MKRN3: variants seen among roughly 807,000 people sequenced by gnomAD.
The protein encoded by MKRN3 is makorin ring finger protein 3, also known as E3 ubiquitin-protein ligase makorin-3.
For synonymous variants in MKRN3, 301 were observed against 250.2 expected (o/e 1.20, Z -1.91); for missense variants, 749 against 667.0 (o/e 1.12, Z -1.35).
chr15:23,565,906 G>A lies in MKRN3; in HGVS notation c.124G>A (p.Ala42Thr). Residue 42 changes from alanine to threonine, a missense_variant, in exon 1 of 1, where the codon GCT becomes ACT. Coordinates refer to ENST00000314520, the MANE Select transcript of MKRN3 (RefSeq NM_005664.4). ...CGTCTGTGAGCCCTCCGGGGAATCT[G>A]CTGCTCCAGATTCAGCCCTGCCACA... is the stretch of plus-strand genomic sequence containing the variant. ...LPVCEPSGES[A>T]APDSALPHAA... 6.2e-7 allele frequency: 1 copy of A among 1,613,854 alleles called. No homozygotes were observed. Among genetic ancestry groups the A allele is most frequent in the South Asian group, 1.1e-5 (1 of 91,076 alleles).
chr15:23,566,545 G>A lies in MKRN3; in HGVS notation c.763G>A (p.Gly255Arg). 1 of 1,614,188 alleles carries A rather than the reference G, an allele frequency of 6.2e-7. No individual in the cohort carries two copies. The highest frequency in any genetic ancestry group is 1.6e-4 in the Middle Eastern group (1 of 6,062). The change falls in exon 1 of 1, where the codon GGG (glycine) becomes AGG (arginine). Residue 255 changes from glycine (G) to arginine (R), a missense_variant. Coordinates refer to ENST00000314520, the MANE Select transcript of MKRN3 (RefSeq NM_005664.4). ...TGCTTCCAGGGGAGTTTGCTTTCGT[G>A]GGGAGAGCTGTATGTACCTCCATGG... ...YYASRGVCFR[G>R]ESCMYLHGDI...
rs1566764428 is a variant in MKRN3 at position 23,565,952 on chromosome 15, C to T, written c.170C>T (p.Pro57Leu). ...ALPHAARGWA[P>L]FPVAPVPAHL... The stretch of plus-strand genomic sequence containing the variant: ...CCACATGCGGCAAGGGGCTGGGCCC[C>T]CTTCCCTGTAGCTCCAGTCCCTGCC... Residue 57 changes from proline to leucine, a missense_variant, in exon 1 of 1, where the codon CCC (proline) becomes CTC (leucine). Physicochemically the swap from Pro to Leu is moderately conservative, Grantham distance 98. Transcript: ENST00000314520. 7.4e-6 allele frequency: 12 copies of T among 1,613,826 alleles called. No individual in the cohort carries two copies. The highest frequency in any genetic ancestry group is 1.3e-5 in the African/African-American group (1 of 74,948).
Position 23,566,262 on chromosome 15 carries a change from C to G in MKRN3, c.480C>G (p.Pro160=), listed in dbSNP as rs372340447. 7.4e-6 allele frequency: 12 copies of G among 1,613,844 alleles called. No individual in the cohort carries two copies. The highest frequency in any genetic ancestry group is 4.5e-5 in the East Asian group (2 of 44,888). The change falls in exon 1 of 1, where the codon CCC becomes CCG. Residue 160 remains proline, a synonymous_variant. Coordinates refer to ENST00000314520, the MANE Select transcript of MKRN3 (RefSeq NM_005664.4). ...EPPTQEVAEA[P]PAASSLSLPV... ...CGACTCAGGAAGTGGCGGAAGCCCC[C>G]CCGGCTGCATCCTCCCTTTCCTTGC...
Position 23,567,534 on chromosome 15 carries a change from G to T in MKRN3, c.*228G>T. 1 of 1,374,684 alleles carries T rather than the reference G, an allele frequency of 7.3e-7. No individual in the cohort carries two copies. Among genetic ancestry groups the T allele is most frequent in the Non-Finnish European group, 9.4e-7 (1 of 1,060,420 alleles). 85.2% of individuals were successfully genotyped at this position (1,374,684 alleles called of 1,614,324 possible). A position where few individuals can be genotyped will look rare whatever the true frequency, so the allele number is the denominator to read the frequency against. On this transcript the variant is annotated 3_prime_UTR_variant, in exon 1 of 1. Transcript: ENST00000314520. ...AAATTAATATTAATGTCAGCTTATG[G>T]CTTTTTTTTGTCATCTCTGTTGTCA...
Position 23,566,420 on chromosome 15 carries a change from G to A in MKRN3, c.638G>A (p.Arg213Gln), listed in dbSNP as rs373112379. 250 of 1,614,016 alleles carry A rather than the reference G, an allele frequency of 1.5e-4. No individual in the cohort carries two copies. Among genetic ancestry groups the A allele is most frequent in the Non-Finnish European group, 1.9e-4 (226 of 1,180,028 alleles). The change falls in exon 1 of 1, where the codon CGG becomes CAG. Residue 213 changes from arginine to glutamine, a missense_variant. Coordinates refer to ENST00000314520, the MANE Select transcript of MKRN3 (RefSeq NM_005664.4). ...AIEFVPGQPY[R>Q]GRWVASAPEA... The stretch of plus-strand genomic sequence containing the variant: ...GAGTTTGTTCCAGGGCAGCCCTACC[G>A]GGGCCGCTGGGTTGCATCTGCCCCC...
Position 23,567,921 on chromosome 15 carries a change from T to C in MKRN3, c.*615T>C, listed in dbSNP as rs181805099. The C allele has an allele frequency of 2.1e-3, 1,606 of 752,320 alleles. 1 individual carries two copies. Among genetic ancestry groups the C allele is most frequent in the Non-Finnish European group, 2.4e-3 (1,430 of 606,660 alleles). The allele number at this position is 752,320 out of a possible 1,614,324, so 46.6% of individuals were successfully genotyped here. A position where few individuals can be genotyped will look rare whatever the true frequency, so the allele number is the denominator to read the frequency against. On this transcript the variant is annotated 3_prime_UTR_variant, in exon 1 of 1. Transcript: ENST00000314520. ...TTTAAGAATTATATATATAAAAATATATATGTATAAGAGTTATGTATTTGA... is the reference window on the plus strand; with the variant it reads ...TTTAAGAATTATATATATAAAAATACATATGTATAAGAGTTATGTATTTGA...
rs371553625 is a variant in MKRN3, at chr15:23,567,243, C to T, written c.1461C>T (p.Phe487=). 1.0e-4 allele frequency: 165 copies of T among 1,614,090 alleles called. No homozygotes were observed. Among genetic ancestry groups the T allele is most frequent in the Non-Finnish European group, 1.3e-4 (158 of 1,180,036 alleles). ...TTTCACTGAGAGATGAGTTACCCTT[C>T]TCTGAGGACCAGTGGGACTTGCTTC... ...RFLSLRDELP[F]SEDQWDLLHY... Residue 487 remains phenylalanine (F), a synonymous_variant, in exon 1 of 1, where the codon TTC becomes TTT. Transcript: ENST00000314520.
At position 23,566,350 on chromosome 15, in the gene MKRN3, G is replaced by C. The variant is rs749797875; in HGVS notation, c.568G>C (p.Gly190Arg). 9 of 1,614,198 alleles carry C rather than the reference G, an allele frequency of 5.6e-6. No individual in the cohort carries two copies. Among genetic ancestry groups the C allele is most frequent in the African/African-American group, 1.3e-5 (1 of 75,064 alleles). The change falls in exon 1 of 1, where the codon GGA becomes CGA. Residue 190 changes from glycine to arginine, a missense_variant. Coordinates refer to ENST00000314520, the MANE Select transcript of MKRN3 (RefSeq NM_005664.4). ...AGCCGAGAGAGACAATGCAGACCGT[G>C]GAGCTGCTGGAGGAGCAGGTGTAGA... ...FEAERDNADR[G>R]AAGGAGVESW...
chr15:23,566,072 A>T lies in MKRN3; in HGVS notation c.290A>T (p.Lys97Met). Residue 97 changes from lysine to methionine, a missense_variant, in exon 1 of 1, where the codon AAG becomes ATG. Lys to Met is a moderately conservative substitution (Grantham distance 95, BLOSUM62 -1). Transcript: ENST00000314520. ...LPSRSSGIWT[K>M]QIICRYYIHG... ...AGCCGAAGCAGCGGCATTTGGACAA[A>T]GCAGATCATCTGCAGGTATTATATA... 6.2e-7 allele frequency: 1 copy of T among 1,614,194 alleles called. No homozygotes were observed. The highest frequency in any genetic ancestry group is 1.1e-5 in the South Asian group (1 of 91,092).
chr15:23,566,575 A>G lies in MKRN3; in HGVS notation c.793A>G (p.Ile265Val). 8 of 1,614,164 alleles carry G rather than the reference A, an allele frequency of 5.0e-6. No individual in the cohort carries two copies. Among genetic ancestry groups the G allele is most frequent in the Middle Eastern group, 1.7e-4 (1 of 6,060 alleles). ...GESCMYLHGDICDMCGLQTLH... is the reference protein window; with the variant it reads ...GESCMYLHGDVCDMCGLQTLH... The stretch of plus-strand genomic sequence containing the variant: ...GAGCTGTATGTACCTCCATGGAGAC[A>G]TATGCGACATGTGTGGGCTGCAGAC... Residue 265 changes from isoleucine to valine, a missense_variant, in exon 1 of 1, where the codon ATA becomes GTA. Coordinates refer to ENST00000314520, the MANE Select transcript of MKRN3 (RefSeq NM_005664.4).
Position 23,565,901 on chromosome 15 carries a change from A to C in MKRN3, c.119A>C (p.Glu40Ala). ...CTTCCCGTCTGTGAGCCCTCCGGGG[A>C]ATCTGCTGCTCCAGATTCAGCCCTG... is the stretch of plus-strand genomic sequence containing the variant. Reference protein sequence around the residue: ...PDLPVCEPSGESAAPDSALPH... With the variant: ...PDLPVCEPSGASAAPDSALPH... The change falls in exon 1 of 1, where the codon GAA (glutamate) becomes GCA (alanine). Residue 40 changes from glutamate (E) to alanine (A), a missense_variant. Transcript: ENST00000314520. The C allele has an allele frequency of 6.2e-7, 1 of 1,613,798 alleles. No individual in the cohort carries two copies. The highest frequency in any genetic ancestry group is 8.5e-7 in the Non-Finnish European group (1 of 1,179,924).
In MKRN3 at chr15:23,565,976, C is replaced by T. The variant is rs778871904; in HGVS notation, c.194C>T (p.Ala65Val). Residue 65 changes from alanine to valine, a missense_variant, in exon 1 of 1, where the codon GCC becomes GTC. Coordinates refer to ENST00000314520, the MANE Select transcript of MKRN3 (RefSeq NM_005664.4). Reference protein sequence around the residue: ...WAPFPVAPVPAHLRRGGLRPA... With the variant: ...WAPFPVAPVPVHLRRGGLRPA... ...CCCTTCCCTGTAGCTCCAGTCCCTG[C>T]CCACCTCCGCAGAGGAGGCCTGAGG... is the stretch of plus-strand genomic sequence containing the variant. The T allele has an allele frequency of 3.1e-6, 5 of 1,613,758 alleles. No homozygotes were observed. Among genetic ancestry groups the T allele is most frequent in the South Asian group, 1.1e-5 (1 of 91,080 alleles).
Position 23,567,769 on chromosome 15 carries a change from A to C in MKRN3, c.*463A>C. 1 of 1,004,034 alleles carries C rather than the reference A, an allele frequency of 1.0e-6. No individual in the cohort carries two copies. The highest frequency in any genetic ancestry group is 1.2e-6 in the Non-Finnish European group (1 of 832,504). The allele number at this position is 1,004,034 out of a possible 1,614,324, so 62.2% of individuals were successfully genotyped here. On this transcript the variant is annotated 3_prime_UTR_variant, in exon 1 of 1. Coordinates refer to ENST00000314520, the MANE Select transcript of MKRN3 (RefSeq NM_005664.4). ...TTGTTCTTTCCCTCCTTCCCCTTCA[A>C]GTGCACTTGTTAAACTGTGATGAAC... is the stretch of plus-strand genomic sequence containing the variant.
rs1293951635 is a variant in MKRN3, at chr15:23,566,121, G to A, written c.339G>A (p.Glu113=). ...TACATGGGCAGTGCAAGGAGGGGGA[G>A]AACTGTCGCTATTCGCACGACCTTT... is the stretch of plus-strand genomic sequence containing the variant. The part of the protein sequence containing the change: ...YYIHGQCKEG[E]NCRYSHDLSG... Residue 113 remains glutamate (E), a synonymous_variant, in exon 1 of 1, where the codon GAG becomes GAA. Transcript: ENST00000314520. 2 of 1,614,190 alleles carry A rather than the reference G, an allele frequency of 1.2e-6. No homozygotes were observed. Among genetic ancestry groups the A allele is most frequent in the Non-Finnish European group, 1.7e-6 (2 of 1,180,044 alleles).
At position 23,566,365 on chromosome 15, in the gene MKRN3, G is replaced by A; in HGVS notation, c.583G>A (p.Ala195Thr). 6.2e-7 allele frequency: 1 copy of A among 1,614,218 alleles called. No homozygotes were observed. The highest frequency in any genetic ancestry group is 8.5e-7 in the Non-Finnish European group (1 of 1,180,034). ...TGCAGACCGTGGAGCTGCTGGAGGA[G>A]CAGGTGTAGAAAGCTGGGCGGATGC... is the stretch of plus-strand genomic sequence containing the variant. ...DNADRGAAGGAGVESWADAIE... is the reference protein window; with the variant it reads ...DNADRGAAGGTGVESWADAIE... Residue 195 changes from alanine to threonine, a missense_variant, in exon 1 of 1, where the codon GCA (alanine) becomes ACA (threonine). Coordinates refer to ENST00000314520, the MANE Select transcript of MKRN3 (RefSeq NM_005664.4).
In MKRN3 at chr15:23,567,086, G is replaced by A. The variant is rs759783158; in HGVS notation, c.1304G>A (p.Gly435Asp). 49 of 1,614,128 alleles carry A rather than the reference G, an allele frequency of 3.0e-5. No homozygotes were observed. The highest frequency in any genetic ancestry group is 3.3e-4 in the Middle Eastern group (2 of 6,084). ...GGAGATGAGCCTCCTGGGCCAGGTG[G>A]TGGGTCATTCAGCGCATACTGGCAT... The part of the protein sequence containing the change: ...GWGDEPPGPG[G>D]GSFSAYWHQL... The change falls in exon 1 of 1, where the codon GGT becomes GAT. Residue 435 changes from glycine to aspartate, a missense_variant. Physicochemically the swap from Gly to Asp is moderately conservative, Grantham distance 94. Transcript: ENST00000314520.
At position 23,567,155 on chromosome 15, in the gene MKRN3, A is replaced by G. The variant is rs770005551; in HGVS notation, c.1373A>G (p.Tyr458Cys). ...CGAATGGGAGAGGGCAACATGCTCT[A>G]TAAAAGCATTAAGAAGGAGCTTGTC... ...PVRMGEGNMLYKSIKKELVVL... is the reference protein window; with the variant it reads ...PVRMGEGNMLCKSIKKELVVL... Residue 458 changes from tyrosine (Y) to cysteine (C), a missense_variant, in exon 1 of 1, where the codon TAT becomes TGT. By Grantham distance (194) the Tyr-to-Cys change is radical. Coordinates refer to ENST00000314520, the MANE Select transcript of MKRN3 (RefSeq NM_005664.4). 2 of 1,614,226 alleles carry G rather than the reference A, an allele frequency of 1.2e-6. No individual in the cohort carries two copies. Among genetic ancestry groups the G allele is most frequent in the South Asian group, 2.2e-5 (2 of 91,082 alleles).
chr15:23,565,805 C>T lies in MKRN3; in HGVS notation c.23C>T (p.Ser8Leu). The T allele has an allele frequency of 1.2e-6, 2 of 1,605,942 alleles. No individual in the cohort carries two copies. Among genetic ancestry groups the T allele is most frequent in the South Asian group, 1.1e-5 (1 of 90,320 alleles). The change falls in exon 1 of 1, where the codon TCA becomes TTA. Residue 8 changes from serine to leucine, a missense_variant. Coordinates refer to ENST00000314520, the MANE Select transcript of MKRN3 (RefSeq NM_005664.4). The stretch of plus-strand genomic sequence containing the variant: ...GCCATGGAAGAGCCTGCAGCTCCCT[C>T]AGAAGCCCACGAGGCAGCCGGGGCC... MEEPAAP[S>L]EAHEAAGAQA... is the part of the protein sequence containing the mutation.
Position 23,567,022 on chromosome 15 carries a change from G to A in MKRN3, c.1240G>A (p.Asp414Asn), listed in dbSNP as rs757062618. ...AGGCAGGGGTAACTGCCCATTTGGA[G>A]ACACATGCTTTTACAAGCATGAATA... is the stretch of plus-strand genomic sequence containing the variant. ...AEGRGNCPFG[D>N]TCFYKHEYPE... Residue 414 changes from aspartate (D) to asparagine (N), a missense_variant, in exon 1 of 1, where the codon GAC (aspartate) becomes AAC (asparagine). Asp to Asn is a conservative substitution (Grantham distance 23). Coordinates refer to ENST00000314520, the MANE Select transcript of MKRN3 (RefSeq NM_005664.4). 2 of 1,614,250 alleles carry A rather than the reference G, an allele frequency of 1.2e-6. No homozygotes were observed. Among genetic ancestry groups the A allele is most frequent in the African/African-American group, 1.3e-5 (1 of 75,072 alleles).
Sources: allele counts gnomAD v4.1 joint callset, GRCh38; gene constraint gnomAD v4.1.1; transcripts MANE v1.5; gene names NCBI Gene and HGNC (gene_info 2026-07-23, HGNC 2026-07-21).